Variants in PHACTR3 observed in about 807,000 individuals in gnomAD.
PHACTR3 encodes the protein protein phosphatase 1, regulatory subunit 123.
A neutral mutation model predicts 66.8 loss-of-function variants in PHACTR3; 16 were observed. The observed-to-expected ratio is 0.24, with a 90% confidence interval of 0.16 to 0.36. The LOEUF (loss-of-function observed/expected upper bound fraction) is 0.36, where lower values mean the gene tolerates loss of function less well. Ranked by LOEUF, PHACTR3 falls within the 10% of genes least tolerant of loss-of-function variation. The probability of loss-of-function intolerance (pLI) is 1.00; values close to 1 mark genes in which losing one functional copy is unlikely to be tolerated. For synonymous variants in PHACTR3, 323 were observed against 292.1 expected (o/e 1.11, Z -1.08); for missense variants, 647 against 719.9 (o/e 0.90, Z 1.16).
rs560548542 is a variant in PHACTR3, at chr20:59,764,452, C to G, written c.542-2734C>G. Among the ~76,000 whole-genome samples the G allele has an allele frequency of 1.1e-4, 16 of 152,288 alleles. 1 individual carries two copies. In the South Asian group the frequency reaches 2.9e-3, roughly 28 times the overall value. ...AGTAGCTCTAGACAAACCTTCCCCA[C>G]CATGGTTTCATGTTGGCCTTTCCAT... On this transcript the variant is annotated intron_variant, in intron 4 of 12. Coordinates refer to ENST00000371015, the MANE Select transcript of PHACTR3 (RefSeq NM_080672.5).
At chr20:59,623,183 G>A (rs1375972918) in intron 1 of PHACTR3, among the ~76,000 whole-genome samples, 9 of 151,906 alleles carry the variant, frequency 5.9e-5, no homozygotes, top group South Asian at 2.1e-4. Flanking sequence ...TAGAACGCGC[G>A]CATGTTGAAA....
upstream of PHACTR3, among the ~76,000 whole-genome samples, chr20:59,601,751 C>G (rs567130392): frequency 6.6e-6 from 1 of 152,196 alleles, no homozygotes; most frequent in Non-Finnish European, 1.5e-5. Context: ...TGGAACATCT[C>G]AAAGCCAAAG....
chr20:59,664,854 C>G (rs888980106), intron 1 of PHACTR3, among the ~76,000 whole-genome samples: 2 of 152,168 alleles, frequency 1.3e-5, no homozygotes, highest in African/African-American at 4.8e-5. Flanking sequence ...GTCTGTGAAG[C>G]CTTCTGTCTG....
upstream of PHACTR3, among the ~76,000 whole-genome samples, chr20:59,604,192 G>A (rs1318544755): frequency 6.6e-6 from 1 of 152,106 alleles, no homozygotes; most frequent in East Asian, 1.9e-4. Flanking sequence ...GGGTGGGCGC[G>A]TCGGGACCCA....
At chr20:59,748,673 A>G (rs1246400902) in intron 3 of PHACTR3, among the ~76,000 whole-genome samples, 1 of 152,166 alleles carries the variant, frequency 6.6e-6, no homozygotes, top group Non-Finnish European at 1.5e-5. Flanking sequence ...AATCTTGGTT[A>G]GGAGGTTTCA....
chr20:59,845,040 T>C, intron 11 of PHACTR3, 149 bp from the exon 12 acceptor site: 1 of 555,238 alleles, frequency 1.8e-6, no homozygotes, highest in Non-Finnish European at 3.3e-6. Context: ...TATGGCAGTT[T>C]TAATGATGAA....
intron 1 of PHACTR3, among the ~76,000 whole-genome samples, chr20:59,632,132 T>C (rs996977319): frequency 3.5e-4 from 54 of 152,234 alleles, no homozygotes; most frequent in African/African-American, 1.2e-3. Flanking sequence ...TCATAGGCCA[T>C]GATGAGCCAT....
chr20:59,769,116 T>G (rs1300351087), intron 5 of PHACTR3, among the ~76,000 whole-genome samples: 2 of 152,234 alleles, frequency 1.3e-5, no homozygotes, highest in African/African-American at 2.4e-5. Flanking sequence ...TTTGCATGCT[T>G]GGGACCACAG....
chr20:59,635,157 CTTT>C (rs1568948936), intron 1 of PHACTR3, among the ~76,000 whole-genome samples: 6 of 51,600 alleles, frequency 1.2e-4, no homozygotes, highest in East Asian at 1.1e-3. Context: ...CTTTTTCTTT[CTTT>C]CTTTCTTTCC....
At chr20:59,786,503 C>G (rs529728548) in intron 7 of PHACTR3, among the ~76,000 whole-genome samples, 43 of 152,296 alleles carry the variant, frequency 2.8e-4, no homozygotes, top group Non-Finnish European at 2.8e-4. Context: ...GGGGGCAGAG[C>G]CATCAAGGAC....
At chr20:59,789,896 G>A (rs1434324107) in intron 7 of PHACTR3, among the ~76,000 whole-genome samples, 3 of 152,184 alleles carry the variant, frequency 2.0e-5, no homozygotes, top group East Asian at 1.9e-4. Context: ...CAGGATCCAC[G>A]ACTGCCAATC....
chr20:59,703,261 C>T (rs755670457), intron 1 of PHACTR3, among the ~76,000 whole-genome samples: 2 of 151,994 alleles, frequency 1.3e-5, no homozygotes, highest in Admixed American at 6.5e-5. Flanking sequence ...TTTATGAGGA[C>T]GTTTAGTCAT....
At position 59,789,766 on chromosome 20, in the gene PHACTR3, A is replaced by G. The variant is rs75557724; in HGVS notation, c.1174+15276A>G. ...ACACAGGGGCTTATAAAGCCAGGACATAGGCCAGGCTGGGAGGAGTTGGGG... is the reference window on the plus strand; with the variant it reads ...ACACAGGGGCTTATAAAGCCAGGACGTAGGCCAGGCTGGGAGGAGTTGGGG... On this transcript the variant is annotated intron_variant, in intron 7 of 12. Transcript: ENST00000371015. 7.2e-5 allele frequency among the ~76,000 whole-genome samples: 11 copies of G among 152,354 alleles called. No homozygotes were observed. The East Asian group carries it at 2.1e-3, about 29-fold the overall frequency.
chr20:59,669,875 T>C (rs543872639), intron 1 of PHACTR3, among the ~76,000 whole-genome samples: 6 of 152,362 alleles, frequency 3.9e-5, no homozygotes, highest in African/African-American at 1.2e-4. Flanking sequence ...CATTCATCAA[T>C]TGAGGGACGT....
At chr20:59,624,954 C>T (rs2034391656) in intron 1 of PHACTR3, among the ~76,000 whole-genome samples, 1 of 152,008 alleles carries the variant, frequency 6.6e-6, no homozygotes, top group African/African-American at 2.4e-5. Context: ...TGCCCTTTTT[C>T]CATCCCAGGA....
rs79565556 is a variant in PHACTR3 at position 59,649,130 on chromosome 20, T to C, written c.118+43998T>C. On this transcript the variant is annotated intron_variant, in intron 1 of 12. Coordinates refer to ENST00000371015, the MANE Select transcript of PHACTR3 (RefSeq NM_080672.5). ...AGCTAATTACTGAAATTTTTTTCCA[T>C]GACTTGGCCTAATATAAAAAAAGAC... 7.6e-3 allele frequency among the ~76,000 whole-genome samples: 1,155 copies of C among 152,322 alleles called. 28 individuals are homozygous for C. Among genetic ancestry groups the C allele is most frequent in the Admixed American group, 0.052 (789 of 15,298 alleles).
chr20:59,847,109 C>A lies in PHACTR3; in HGVS notation c.1665-6C>A. The A allele has an allele frequency of 6.6e-7, 1 of 1,519,224 alleles. No homozygotes were observed. Among genetic ancestry groups the A allele is most frequent in the Non-Finnish European group, 9.1e-7 (1 of 1,099,484 alleles). The allele number at this position is 1,519,224 out of a possible 1,614,324, so 94.1% of individuals were successfully genotyped here. On this transcript the variant is annotated splice_region_variant and splice_polypyrimidine_tract_variant and intron_variant, in intron 12 of 12. Transcript: ENST00000371015. Reference sequence around the variant, plus strand: ...TTAAATTCTTTGTCTTTTTTATAATCTCTAGATTCCACAGGCCATAGAGAT... The same window carrying A: ...TTAAATTCTTTGTCTTTTTTATAATATCTAGATTCCACAGGCCATAGAGAT...
intron 5 of PHACTR3, among the ~76,000 whole-genome samples, chr20:59,769,320 G>A (rs2146877050): frequency 6.6e-6 from 1 of 152,364 alleles, no homozygotes; most frequent in South Asian, 2.1e-4. Flanking sequence ...CTGCCATTAA[G>A]TTAAAGATCA....
intron 5 of PHACTR3, among the ~76,000 whole-genome samples, chr20:59,767,915 T>C (rs548577228): frequency 1.3e-5 from 2 of 152,044 alleles, no homozygotes; most frequent in Non-Finnish European, 2.9e-5. Flanking sequence ...TGTCTGTCTT[T>C]CTCTTTGTGC....
Sources: allele counts gnomAD v4.1 joint callset (sites outside exome capture counted in the v4.1 genomes callset), GRCh38; gene constraint gnomAD v4.1.1; transcripts MANE v1.5; gene names NCBI Gene and HGNC (gene_info 2026-07-23, HGNC 2026-07-21).